IRX1: variants seen among roughly 807,000 people sequenced by gnomAD.
The protein encoded by IRX1 is iroquois-class homeodomain protein IRX-1.
Under a neutral mutation model 34.1 loss-of-function variants are expected in IRX1, and 22 were observed. The ratio of observed to expected loss-of-function variants is 0.64; its 90% CI spans 0.46 to 0.92. The LOEUF is 0.92. IRX1 is among the 40% of genes least tolerant of loss of function. The pLI is 0.00. For missense variants in IRX1, 758 were observed against 680.0 expected (o/e 1.11, Z -1.28); for synonymous variants, 363 against 319.0 (o/e 1.14, Z -1.47).
chr5:3,596,466 A>G, intron 1 of IRX1, 85 bp downstream of exon 1: 2 of 1,282,216 alleles, frequency 1.6e-6, no homozygotes, highest in Non-Finnish European at 2.0e-6. Context: ...GGGAGAGACT[A>G]CGGGTGGACC....
chr5:3,599,760 C>T lies in IRX1; in HGVS notation c.812C>T (p.Ala271Val), dbSNP rs766441155. 6.2e-7 allele frequency: 1 copy of T among 1,609,758 alleles called. No homozygotes were observed. The highest frequency in any genetic ancestry group is 1.7e-5 in the Admixed American group (1 of 59,732). Reference protein sequence around the residue: ...LARDQGSPLAAADVLKPQDSP... With the variant: ...LARDQGSPLAVADVLKPQDSP... ...CGGGACCAAGGCTCGCCGCTGGCAG[C>T]AGCCGACGTTCTCAAGCCCCAGGAC... The change falls in exon 2 of 4, where the codon GCA becomes GTA. Residue 271 changes from alanine to valine, a missense_variant. Ala to Val is a moderately conservative substitution (Grantham distance 64, BLOSUM62 0). Coordinates refer to ENST00000302006, the MANE Select transcript of IRX1 (RefSeq NM_024337.4). The surrounding 1 kb of genome is among the most constrained non-coding windows in gnomAD (Gnocchi z 6.6).
At position 3,600,836 on chromosome 5, in the gene IRX1, A is replaced by G. The variant is rs1464827397; in HGVS notation, c.1386-147A>G. 5.3e-6 allele frequency: 6 copies of G among 1,135,802 alleles called. No individual in the cohort carries two copies. The African/African-American group carries it at 7.7e-5, about 15-fold the overall frequency. The allele number at this position is 1,135,802 out of a possible 1,614,324, so 70.4% of individuals were successfully genotyped here. The stretch of plus-strand genomic sequence containing the variant: ...CCAGCCCTGGGCGCCGGGCGAGCCG[A>G]GGAGACTGGAGTTTCTCCCCAGCCG... On this transcript the variant is annotated intron_variant, in intron 3 of 3. Coordinates refer to ENST00000302006, the MANE Select transcript of IRX1 (RefSeq NM_024337.4).
chr5:3,596,452 G>C, intron 1 of IRX1, 71 bp downstream of exon 1: 1 of 1,340,744 alleles, frequency 7.5e-7, no homozygotes. Context: ...CGGGTCGCCC[G>C]GGAGGGAGAG....
Position 3,600,917 on chromosome 5 carries a change from C to T in IRX1, c.1386-66C>T, listed in dbSNP as rs1733949141. ...AGGGCTCCGCTACTGGAACCGGCGT[C>T]GCCCGGCGCTGCGTCCCCCACTCAC... On this transcript the variant is annotated intron_variant, in intron 3 of 3. Coordinates refer to ENST00000302006, the MANE Select transcript of IRX1 (RefSeq NM_024337.4). 3.9e-6 allele frequency: 6 copies of T among 1,526,390 alleles called. No individual in the cohort carries two copies. In the African/African-American group the frequency reaches 6.8e-5, roughly 17 times the overall value. The allele number at this position is 1,526,390 out of a possible 1,614,324, so 94.6% of individuals were successfully genotyped here. A position where few individuals can be genotyped will look rare whatever the true frequency, so the allele number is the denominator to read the frequency against.
At chr5:3,598,280 G>T (rs899340287) in intron 1 of IRX1, among the ~76,000 whole-genome samples, 1 of 152,190 alleles carries the variant, frequency 6.6e-6, no homozygotes, top group Non-Finnish European at 1.5e-5. Flanking sequence ...AACCTGATGG[G>T]ATAATTTGAC....
chr5:3,600,085 C>T lies in IRX1; in HGVS notation c.1137C>T (p.Phe379=), dbSNP rs772430134. ...GKFSNWTNSA[F]LAQGSLLNMR... ...TCTCCAACTGGACCAACAGCGCATT[C>T]CTCGCACAGGGCTCCCTGCTCAACA... The change falls in exon 2 of 4, where the codon TTC becomes TTT. Residue 379 remains phenylalanine (F), a synonymous_variant. Coordinates refer to ENST00000302006, the MANE Select transcript of IRX1 (RefSeq NM_024337.4). 5 of 1,612,790 alleles carry T rather than the reference C, an allele frequency of 3.1e-6. No homozygotes were observed. Among genetic ancestry groups the T allele is most frequent in the Non-Finnish European group, 2.5e-6 (3 of 1,179,676 alleles).
chr5:3,601,066 G>T lies in IRX1; in HGVS notation c.*26G>T. 2 of 1,586,234 alleles carry T rather than the reference G, an allele frequency of 1.3e-6. No individual in the cohort carries two copies. The highest frequency in any genetic ancestry group is 1.7e-6 in the Non-Finnish European group (2 of 1,156,306). The stretch of plus-strand genomic sequence containing the variant: ...TTAAGGGTCTTCTTTTACTTTTGCG[G>T]GGGGGAGGGGGGAGGAGTTGGGGAG... On this transcript the variant is annotated 3_prime_UTR_variant, in exon 4 of 4. Transcript: ENST00000302006.
rs1743688369 is a variant in IRX1, at chr5:3,596,222, G to A, written c.117G>A (p.Ser39=). The change falls in exon 1 of 4, where the codon TCG becomes TCA. Residue 39 remains serine (S), a synonymous_variant. Coordinates refer to ENST00000302006, the MANE Select transcript of IRX1 (RefSeq NM_024337.4). ...AAAAAAAAAA[S]SGRPGAAELG... is the part of the protein sequence containing the mutation. ...CCGCTGCGGCGGCTGCCGCCGCCTC[G>A]TCGGGCCGACCGGGGGCCGCGGAGC... The A allele has an allele frequency of 1.8e-6, 2 of 1,112,010 alleles. No homozygotes were observed. Among genetic ancestry groups the A allele is most frequent in the Non-Finnish European group, 1.1e-6 (1 of 912,406 alleles). The allele number at this position is 1,112,010 out of a possible 1,614,324, so 68.9% of individuals were successfully genotyped here.
chr5:3,600,894 G>C (rs1262187360), intron 3 of IRX1, 89 bp from the exon 4 acceptor site: 1 of 1,397,958 alleles, frequency 7.2e-7, no homozygotes, highest in Non-Finnish European at 1.0e-6. Context: ...CCGCCCCCAG[G>C]GCTCCGCTAC....
In IRX1 at chr5:3,599,257, G is replaced by A. The variant is rs374868633; in HGVS notation, c.309G>A (p.Gly103=). The A allele has an allele frequency of 4.3e-6, 7 of 1,613,652 alleles. No individual in the cohort carries two copies. In the South Asian group the frequency reaches 4.4e-5, roughly 10 times the overall value. ...AGTATGAACTGAAGGACAACCCTGG[G>A]GTGCACCCCGCCACCTTCGCAGCCC... ...GSQYELKDNP[G]VHPATFAAHT... is the part of the protein sequence containing the mutation. Residue 103 remains glycine, a synonymous_variant, in exon 2 of 4, where the codon GGG becomes GGA. Transcript: ENST00000302006. This position sits in a 1 kb window ranked among gnomAD's most constrained non-coding sequence, Gnocchi z 6.6.
In IRX1 at chr5:3,599,643, A is replaced by C. The variant is rs1450006871; in HGVS notation, c.695A>C (p.Lys232Thr). ...EIDLESIDID[K>T]IDEHDGDQSN... ...GACCTGGAAAGCATCGACATTGACA[A>C]GATCGACGAGCACGATGGCGACCAG... Residue 232 changes from lysine to threonine, a missense_variant, in exon 2 of 4, where the codon AAG becomes ACG. Lys to Thr is a moderately conservative substitution (Grantham distance 78). Coordinates refer to ENST00000302006, the MANE Select transcript of IRX1 (RefSeq NM_024337.4). This position sits in a 1 kb window ranked among gnomAD's most constrained non-coding sequence, Gnocchi z 6.6. 6.2e-7 allele frequency: 1 copy of C among 1,613,880 alleles called. No individual in the cohort carries two copies. Among genetic ancestry groups the C allele is most frequent in the Non-Finnish European group, 8.5e-7 (1 of 1,180,014 alleles).
At position 3,599,905 on chromosome 5, in the gene IRX1, G is replaced by A; in HGVS notation, c.957G>A (p.Leu319=). The change falls in exon 2 of 4, where the codon CTG becomes CTA. Residue 319 remains leucine, a synonymous_variant. Coordinates refer to ENST00000302006, the MANE Select transcript of IRX1 (RefSeq NM_024337.4). This position sits in a 1 kb window ranked among gnomAD's most constrained non-coding sequence, Gnocchi z 6.6. ...ACGGCAAGCCCAAGATCTGGTCGCT[G>A]GCGGAGACAGCCACGAGCCCCGACG... is the stretch of plus-strand genomic sequence containing the variant. ...APHGKPKIWS[L]AETATSPDGA... 2 of 1,475,602 alleles carry A rather than the reference G, an allele frequency of 1.4e-6. No individual in the cohort carries two copies. Among genetic ancestry groups the A allele is most frequent in the South Asian group, 2.7e-5 (2 of 72,752 alleles). 91.4% of individuals were successfully genotyped at this position (1,475,602 alleles called of 1,614,324 possible).
rs1580012316 is a variant in IRX1, at chr5:3,599,973, G to A, written c.1025G>A (p.Gly342Asp). ...CCACCACCACCCGCGGGCCACCCCGGCGCGCACGGGCCCTCCGCCGGGGCG... is the reference window on the plus strand; with the variant it reads ...CCACCACCACCCGCGGGCCACCCCGACGCGCACGGGCCCTCCGCCGGGGCG... Reference protein sequence around the residue: ...ASPPPPAGHPGAHGPSAGAPL... With the variant: ...ASPPPPAGHPDAHGPSAGAPL... The change falls in exon 2 of 4, where the codon GGC (glycine) becomes GAC (aspartate). Residue 342 changes from glycine (G) to aspartate (D), a missense_variant. Physicochemically the swap from Gly to Asp is moderately conservative, Grantham distance 94. This residue lies in a region of IRX1 where 529 missense variants were observed against 418.8 expected (regional missense o/e 1.26). Transcript: ENST00000302006. The surrounding 1 kb of genome is among the most constrained non-coding windows in gnomAD (Gnocchi z 6.6). 3 of 1,509,070 alleles carry A rather than the reference G, an allele frequency of 2.0e-6. No homozygotes were observed. The highest frequency in any genetic ancestry group is 1.8e-6 in the Non-Finnish European group (2 of 1,124,432). 93.5% of individuals were successfully genotyped at this position (1,509,070 alleles called of 1,614,324 possible).
chr5:3,599,155 T>C lies in IRX1; in HGVS notation c.277-70T>C. Reference sequence around the variant, plus strand: ...CTCCCGTCTTGGGGACTCATGTCTCTCTCTCTCTCTCCCTTTCTCTCTCCA... The same window carrying C: ...CTCCCGTCTTGGGGACTCATGTCTCCCTCTCTCTCTCCCTTTCTCTCTCCA... On this transcript the variant is annotated intron_variant, in intron 1 of 3. Transcript: ENST00000302006. The surrounding 1 kb of genome is among the most constrained non-coding windows in gnomAD (Gnocchi z 6.6). 2 of 1,469,896 alleles carry C rather than the reference T, an allele frequency of 1.4e-6. No homozygotes were observed. The highest frequency in any genetic ancestry group is 1.8e-6 in the Non-Finnish European group (2 of 1,086,018). 91.1% of individuals were successfully genotyped at this position (1,469,896 alleles called of 1,614,324 possible). A position where few individuals can be genotyped will look rare whatever the true frequency, so the allele number is the denominator to read the frequency against.
Position 3,601,010 on chromosome 5 carries a change from G to T in IRX1, c.1413G>T (p.Pro471=), listed in dbSNP as rs766443357. The stretch of plus-strand genomic sequence containing the variant: ...CTCTGGCCCCGCAGGAGGGAACGCC[G>T]CGGATCCTAGCAGCCCTCCCGTCCG... ...DNSLAPQEGT[P]RILAALPSA is the part of the protein sequence containing the mutation. Residue 471 remains proline (P), a synonymous_variant, in exon 4 of 4, where the codon CCG becomes CCT. Transcript: ENST00000302006. 6 of 1,612,630 alleles carry T rather than the reference G, an allele frequency of 3.7e-6. No homozygotes were observed. In the Admixed American group the frequency reaches 8.3e-5, roughly 22 times the overall value.
chr5:3,597,324 T>C (rs1211390040), intron 1 of IRX1, among the ~76,000 whole-genome samples: 1 of 152,144 alleles, frequency 6.6e-6, no homozygotes, highest in Non-Finnish European at 1.5e-5. Flanking sequence ...GGACGGCTGG[T>C]GAATTGTGCG....
rs995630927 is a variant in IRX1 at position 3,595,867 on chromosome 5, C to T, written c.-239C>T. Among the ~76,000 whole-genome samples the T allele has an allele frequency of 1.3e-4, 19 of 151,012 alleles. No homozygotes were observed. Among genetic ancestry groups the T allele is most frequent in the African/African-American group, 4.6e-4 (19 of 41,318 alleles). On this transcript the variant is annotated 5_prime_UTR_variant, in exon 1 of 4. Transcript: ENST00000302006. Reference sequence around the variant, plus strand: ...GCCCCGCCGCCGAGCGGAGGGCGGCCGCCGCAGTCGGCGCGCGATTGCGGA... The same window carrying T: ...GCCCCGCCGCCGAGCGGAGGGCGGCTGCCGCAGTCGGCGCGCGATTGCGGA...
At position 3,599,667 on chromosome 5, in the gene IRX1, A is replaced by G; in HGVS notation, c.719A>G (p.Gln240Arg). Residue 240 changes from glutamine to arginine, a missense_variant, in exon 2 of 4, where the codon CAG (glutamine) becomes CGG (arginine). By Grantham distance (43) the Gln-to-Arg change is conservative. Coordinates refer to ENST00000302006, the MANE Select transcript of IRX1 (RefSeq NM_024337.4). This position sits in a 1 kb window ranked among gnomAD's most constrained non-coding sequence, Gnocchi z 6.6. ...IDKIDEHDGD[Q>R]SNEDDEDKAE... ...AAGATCGACGAGCACGATGGCGACC[A>G]GAGCAACGAGGATGACGAGGACAAG... 6.2e-7 allele frequency: 1 copy of G among 1,613,696 alleles called. No individual in the cohort carries two copies. The highest frequency in any genetic ancestry group is 8.5e-7 in the Non-Finnish European group (1 of 1,180,018).
intron 3 of IRX1, 108 bp downstream of exon 3, chr5:3,600,789 C>T: frequency 8.3e-7 from 1 of 1,204,484 alleles, no homozygotes; most frequent in Non-Finnish European, 1.2e-6. Context: ...TCGCGCAGTC[C>T]TAGTTGAAGG....
Sources: allele counts gnomAD v4.1 joint callset (sites outside exome capture counted in the v4.1 genomes callset), GRCh38; gene constraint gnomAD v4.1.1; regional missense constraint gnomAD v4.1.1; non-coding constraint Gnocchi (gnomAD v3.1); transcripts MANE v1.5; gene names NCBI Gene and HGNC (gene_info 2026-07-23, HGNC 2026-07-21).